Variants in ZXDC observed in about 807,000 individuals in gnomAD.
ZXDC encodes zinc finger protein ZXDC.
Under a neutral mutation model 63.6 loss-of-function variants are expected in ZXDC, and 58 were observed. The ratio of observed to expected loss-of-function variants is 0.91; its 90% confidence interval spans 0.74 to 1.13. The LOEUF is 1.13. Ranked by LOEUF, ZXDC falls within the 50% of genes most tolerant of loss-of-function variation. The pLI is 0.00. For synonymous variants in ZXDC, 561 were observed against 496.1 expected (o/e 1.13, Z -1.74); for missense variants, 1,133 against 1,148.9 (o/e 0.99, Z 0.20).
At chr3:126,455,556 A>G (rs1265765545) in intron 7 of ZXDC, among the ~76,000 whole-genome samples, 1 of 152,188 alleles carries the variant, frequency 6.6e-6, no homozygotes, top group Non-Finnish European at 1.5e-5. Flanking sequence ...GAAGGAAGGA[A>G]GTGCTCAAAA....
intron 7 of ZXDC, among the ~76,000 whole-genome samples, chr3:126,449,816 T>G (rs543012898): frequency 6.6e-6 from 1 of 152,146 alleles, no homozygotes; most frequent in Non-Finnish European, 1.5e-5. Context: ...GTGTCTGCCA[T>G]GCAGACTGAA....
intron 1 of ZXDC, 25 bp from the exon 2 acceptor site, chr3:126,472,330 G>T (rs1448022333): frequency 1.9e-5 from 30 of 1,592,566 alleles, no homozygotes; most frequent in Non-Finnish European, 2.6e-5. Context: ...CACAAACCCT[G>T]CTCAAAGCGT....
At chr3:126,440,474 G>C in intron 8 of ZXDC, 1 of 985,466 alleles carries the variant, frequency 1.0e-6, no homozygotes, top group African/African-American at 1.7e-5. Context: ...CTCAAACCCA[G>C]GTTTAATCAG....
chr3:126,475,579 G>A lies in ZXDC; in HGVS notation c.287C>T (p.Ala96Val). 6.9e-7 allele frequency: 1 copy of A among 1,447,116 alleles called. No homozygotes were observed. The highest frequency in any genetic ancestry group is 9.1e-7 in the Non-Finnish European group (1 of 1,095,830). 89.6% of individuals were successfully genotyped at this position (1,447,116 alleles called of 1,614,324 possible). ...CAGGTTGACACGGGAGCCAGGCTCG[G>A]CCTCCTGTGATCCGGCAGCCTCGGC... ...AAAEAAGSQE[A>V]EPGSRVNLAS... Residue 96 changes from alanine (A) to valine (V), a missense_variant, in exon 1 of 10, where the codon GCC (alanine) becomes GTC (valine). Ala to Val is a moderately conservative substitution (Grantham distance 64, BLOSUM62 0). Transcript: ENST00000389709.
chr3:126,454,064 ATTTTT>A, intron 7 of ZXDC: 2 of 644,210 alleles, frequency 3.1e-6, no homozygotes, highest in Non-Finnish European at 3.8e-6. Flanking sequence ...ATATATATAT[ATTTTT>A]TTTTTTGGTA....
chr3:126,470,664 A>G (rs969707308), intron 4 of ZXDC, among the ~76,000 whole-genome samples: 2 of 152,178 alleles, frequency 1.3e-5, no homozygotes, highest in African/African-American at 4.8e-5. Context: ...ACTTAACTAG[A>G]GCCACAGATC....
At chr3:126,460,514 A>AC (rs1407491572) in intron 6 of ZXDC, 1 of 961,500 alleles carries the variant, frequency 1.0e-6, no homozygotes, top group Non-Finnish European at 1.2e-6. Flanking sequence ...CTGCAGCTGC[A>AC]CCAGGGAGCT....
chr3:126,441,462 C>G (rs372759325), intron 8 of ZXDC: 1 of 1,173,518 alleles, frequency 8.5e-7, no homozygotes, highest in Non-Finnish European at 1.1e-6. Flanking sequence ...CTGGGGGCCT[C>G]GGGCAGGGAG....
intron 5 of ZXDC, among the ~76,000 whole-genome samples, chr3:126,465,290 T>G (rs1934713153): frequency 6.6e-6 from 1 of 152,236 alleles, no homozygotes; most frequent in Non-Finnish European, 1.5e-5. Context: ...CCACCACAGC[T>G]GCCAGGCACT....
intron 7 of ZXDC, chr3:126,458,548 C>G: frequency 1.0e-6 from 1 of 982,024 alleles, no homozygotes; most frequent in Non-Finnish European, 1.2e-6. Flanking sequence ...AATGTCCTTA[C>G]TTTTTAAAGA....
intron 7 of ZXDC, chr3:126,455,212 A>ATTT (rs1934260022): frequency 2.6e-6 from 1 of 388,118 alleles, no homozygotes; most frequent in Non-Finnish European, 3.5e-6. Context: ...ACCTGAACTG[A>ATTT]TGTAAAGCTA....
At chr3:126,448,130 G>T (rs189871958) in intron 7 of ZXDC, among the ~76,000 whole-genome samples, 183 of 152,360 alleles carry the variant, frequency 1.2e-3, no homozygotes, top group Non-Finnish European at 1.2e-3. Context: ...AGATGTGCTG[G>T]GCTTAGAACT....
Position 126,472,244 on chromosome 3 carries a change from C to T in ZXDC, c.969G>A (p.Arg323=), listed in dbSNP as rs1350379234. The change falls in exon 2 of 10, where the codon AGG becomes AGA. Residue 323 remains arginine, a synonymous_variant. Transcript: ENST00000389709. ...ALFSHNRAHF[R]EQELFSCSFP... ...AGGAGCAGGAAAAGAGCTCTTGTTC[C>T]CTGAAGTGGGCTCGGTTATGGGAAA... The T allele has an allele frequency of 6.2e-7, 1 of 1,613,144 alleles. No homozygotes were observed. Among genetic ancestry groups the T allele is most frequent in the Non-Finnish European group, 8.5e-7 (1 of 1,179,240 alleles).
At chr3:126,461,449 A>G (rs1190133462) in intron 6 of ZXDC, 86 bp downstream of exon 6, 13 of 1,490,516 alleles carry the variant, frequency 8.7e-6, no homozygotes, top group Non-Finnish European at 1.2e-5. Context: ...AAACGTCTGC[A>G]TAGAAAGGAT....
At chr3:126,444,531 C>CA (rs541578944) in intron 7 of ZXDC, among the ~76,000 whole-genome samples, 5,453 of 133,776 alleles carry the variant, frequency 0.041, 323 homozygotes, top group African/African-American at 0.14. Context: ...GACTCCCTCT[C>CA]AAAAAAAAAA....
intron 9 of ZXDC, among the ~76,000 whole-genome samples, chr3:126,439,029 G>A (rs1014857001): frequency 6.6e-5 from 10 of 152,150 alleles, no homozygotes; most frequent in Non-Finnish European, 1.0e-4. Flanking sequence ...CTGCCAAACC[G>A]CCCTCCAGCT....
chr3:126,461,468 A>G (rs1480633063), intron 6 of ZXDC, 67 bp downstream of exon 6: 2 of 1,522,860 alleles, frequency 1.3e-6, no homozygotes, highest in East Asian at 4.6e-5. Context: ...ATTAATCCAG[A>G]ATATCCTCAA....
chr3:126,455,842 CA>C (rs1056076860), intron 7 of ZXDC, among the ~76,000 whole-genome samples: 74 of 141,764 alleles, frequency 5.2e-4, no homozygotes, highest in Admixed American at 4.9e-4. Flanking sequence ...ACTAAAAATA[CA>C]AAAAAAAAAA....
intron 7 of ZXDC, among the ~76,000 whole-genome samples, chr3:126,447,407 T>C (rs1933923087): frequency 6.6e-6 from 1 of 152,264 alleles, no homozygotes. Flanking sequence ...AAATATGTAC[T>C]GTGCAATTAG....
Sources: gnomAD v4.1 joint callset for allele counts (sites outside exome capture counted in the v4.1 genomes callset) on GRCh38, gnomAD v4.1.1 for gene constraint, MANE v1.5 for transcripts, NCBI Gene and HGNC (gene_info 2026-07-23, HGNC 2026-07-21) for gene names.